CUBN: variants seen among roughly 807,000 people sequenced by gnomAD.
The protein encoded by CUBN is 460 kDa receptor.
Under a neutral mutation model 405.3 loss-of-function variants are expected in CUBN, and 282 were observed. That is an observed-to-expected ratio of 0.70 (90% CI 0.63 to 0.77). CUBN has a LOEUF of 0.77. Ranked by LOEUF, CUBN falls within the 30% of genes least tolerant of loss-of-function variation. The probability of loss-of-function intolerance (pLI) is 0.00; values close to 1 mark genes in which losing one functional copy is unlikely to be tolerated. For missense variants in CUBN, 4,514 were observed against 4,475.2 expected, an observed-to-expected ratio of 1.01 and a Z score of -0.25; for synonymous variants, 1,684 against 1,617.0, an observed-to-expected ratio of 1.04 and a Z score of -0.99.
At chr10:16,865,900 C>T (rs554066860) in intron 59 of CUBN, among the ~76,000 whole-genome samples, 3 of 152,146 alleles carry the variant, frequency 2.0e-5, no homozygotes, top group Non-Finnish European at 4.4e-5. Context: ...ACACTCACCA[C>T]GAAGGTCCAT....
chr10:16,895,486 T>A (rs1841156661), intron 54 of CUBN, among the ~76,000 whole-genome samples: 1 of 152,054 alleles, frequency 6.6e-6, no homozygotes, highest in Non-Finnish European at 1.5e-5. Flanking sequence ...GAGAGGAGAG[T>A]GTTGAAGTCC....
intron 40 of CUBN, among the ~76,000 whole-genome samples, chr10:16,928,606 T>C (rs1431099955): frequency 6.8e-6 from 1 of 147,156 alleles, no homozygotes; most frequent in African/African-American, 2.5e-5. Flanking sequence ...CTCGGTTTAA[T>C]GCAGCCTCTG....
chr10:17,056,167 G>A (rs1835390355), intron 22 of CUBN, among the ~76,000 whole-genome samples: 1 of 152,042 alleles, frequency 6.6e-6, no homozygotes, highest in Admixed American at 6.6e-5. Flanking sequence ...CAATTCAGTG[G>A]GAGTGGGGGT....
In CUBN at chr10:16,836,263, A is replaced by T; in HGVS notation, c.10152T>A (p.Ser3384=). ...CAATCTGATAGGTGAAACTCATTCT[A>T]GAGTTTCTGTTTACAACTCCAGATT... is the stretch of plus-strand genomic sequence containing the variant. ...IFKSGVVNRN[S]RMSFTYQIAD... is the part of the protein sequence containing the mutation. Residue 3384 remains serine (S), a synonymous_variant, in exon 63 of 67, where the codon TCT becomes TCA. Coordinates refer to ENST00000377833, the MANE Select transcript of CUBN (RefSeq NM_001081.4). The T allele has an allele frequency of 6.2e-7, 1 of 1,613,690 alleles. No homozygotes were observed. The highest frequency in any genetic ancestry group is 2.2e-5 in the East Asian group (1 of 44,888).
At chr10:16,983,614 T>C (rs544028393) in intron 30 of CUBN, among the ~76,000 whole-genome samples, 1 of 152,230 alleles carries the variant, frequency 6.6e-6, no homozygotes, top group Non-Finnish European at 1.5e-5. Context: ...TATGCTAACA[T>C]CTGTTACACT....
chr10:17,028,241 ATT>A (rs2131800317), intron 27 of CUBN, among the ~76,000 whole-genome samples: 1 of 149,314 alleles, frequency 6.7e-6, no homozygotes, highest in East Asian at 2.0e-4. Context: ...TATTATTATT[ATT>A]ATTATTATTA....
In CUBN at chr10:16,918,662, G is replaced by A. The variant is rs777206789; in HGVS notation, c.6960C>T (p.Asn2320=). Residue 2320 remains asparagine (N), a synonymous_variant, in exon 45 of 67, where the codon AAC becomes AAT. Transcript: ENST00000377833. The part of the protein sequence containing the change: ...EVMYLRFRSD[N]SPTHVGFKAK... Reference sequence around the variant, plus strand: ...CCTTGAATCCCACATGTGTGGGGCTGTTGTCAGATCGAAATCTCAAATACA... The same window carrying A: ...CCTTGAATCCCACATGTGTGGGGCTATTGTCAGATCGAAATCTCAAATACA... The A allele has an allele frequency of 6.2e-7, 1 of 1,613,914 alleles. No homozygotes were observed. The highest frequency in any genetic ancestry group is 8.5e-7 in the Non-Finnish European group (1 of 1,179,864).
intron 28 of CUBN, among the ~76,000 whole-genome samples, chr10:17,015,220 T>C (rs925164689): frequency 7.2e-5 from 11 of 152,214 alleles, no homozygotes; most frequent in African/African-American, 2.7e-4. Context: ...TGGTGGGGTC[T>C]TTTAGCCTGA....
intron 31 of CUBN, among the ~76,000 whole-genome samples, chr10:16,969,249 C>T (rs555449289): frequency 1.6e-4 from 21 of 131,094 alleles, no homozygotes; most frequent in African/African-American, 4.5e-4. Context: ...TTCATTTATT[C>T]AGCTATGCAT....
In CUBN at chr10:16,954,453, G is replaced by A. The variant is rs1842996545; in HGVS notation, c.4791C>T (p.Leu1597=). ...AAGGGCCAGACTGAAATCTCAAGAA[G>A]AGGCTGTTTCCTGAGGAGACGATGG... ...ANPIVSSGNS[L]FLRFQSGPSR... is the part of the protein sequence containing the mutation. Residue 1597 remains leucine, a synonymous_variant, in exon 32 of 67, where the codon CTC becomes CTT. Transcript: ENST00000377833. 4 of 1,614,170 alleles carry A rather than the reference G, an allele frequency of 2.5e-6. No homozygotes were observed. Among genetic ancestry groups the A allele is most frequent in the East Asian group, 2.2e-5 (1 of 44,872 alleles).
Position 16,906,376 on chromosome 10 carries a change from C to T in CUBN, c.7739G>A (p.Gly2580Glu). Residue 2580 changes from glycine to glutamate, a missense_variant, in exon 50 of 67, where the codon GGA becomes GAA. By Grantham distance (98) the Gly-to-Glu change is moderately conservative. Transcript: ENST00000377833. ...GTCATAGCCAGGAGAAGTAAAGTTT[C>T]CTTCAGGAGTATTTGGAAGAGACCC... ...CGGSLPNTPE[G>E]NFTSPGYDGV... 1 of 1,613,994 alleles carries T rather than the reference C, an allele frequency of 6.2e-7. No homozygotes were observed. The highest frequency in any genetic ancestry group is 8.5e-7 in the Non-Finnish European group (1 of 1,179,896).
intron 29 of CUBN, among the ~76,000 whole-genome samples, chr10:16,986,543 T>G (rs548562451): frequency 1.3e-5 from 2 of 152,222 alleles, no homozygotes; most frequent in Non-Finnish European, 2.9e-5. Flanking sequence ...GGACAGTAAT[T>G]GCAAAGGAAT....
chr10:17,101,627 G>A (rs573961507), intron 13 of CUBN, among the ~76,000 whole-genome samples: 1 of 152,294 alleles, frequency 6.6e-6, no homozygotes, highest in Admixed American at 6.5e-5. Context: ...AATCCAGGAG[G>A]TGGTTGAGAA....
chr10:16,850,401 A>G (rs541984912), intron 60 of CUBN, among the ~76,000 whole-genome samples: 21 of 152,176 alleles, frequency 1.4e-4, no homozygotes, highest in Non-Finnish European at 2.8e-4. Flanking sequence ...ATATAACCTG[A>G]TAGGTATAAT....
intron 31 of CUBN, among the ~76,000 whole-genome samples, chr10:16,981,628 C>T (rs968589313): frequency 1.3e-5 from 2 of 152,156 alleles, no homozygotes; most frequent in African/African-American, 2.4e-5. Flanking sequence ...CAAGCTTGGA[C>T]GCTGCCGTGG....
intron 17 of CUBN, among the ~76,000 whole-genome samples, chr10:17,076,749 A>G: frequency 6.6e-6 from 1 of 152,214 alleles, no homozygotes; most frequent in East Asian, 1.9e-4. Context: ...GTCACTGCAT[A>G]ATTCAACCAT....
chr10:16,945,524 T>C (rs1254385049), intron 36 of CUBN, among the ~76,000 whole-genome samples: 1 of 151,968 alleles, frequency 6.6e-6, no homozygotes, highest in Non-Finnish European at 1.5e-5. Context: ...TCCCAGCACT[T>C]TGGGAGGCCA....
chr10:16,836,302 T>C lies in CUBN; in HGVS notation c.10113A>G (p.Ala3371=), dbSNP rs1223966538. The C allele has an allele frequency of 1.2e-6, 2 of 1,613,622 alleles. No individual in the cohort carries two copies. The highest frequency in any genetic ancestry group is 4.5e-5 in the East Asian group (2 of 44,886). The change falls in exon 63 of 67, where the codon GCA becomes GCG. Residue 3371 remains alanine (A), a synonymous_variant. Coordinates refer to ENST00000377833, the MANE Select transcript of CUBN (RefSeq NM_001081.4). ...CAACTCCAGATTTGAAAATGACCAT[T>C]GCAGTACTCATAGAAGAATAAAACA... is the stretch of plus-strand genomic sequence containing the variant. ...VPVFYSSMST[A]MVIFKSGVVN...
At chr10:16,965,401 A>T (rs1843360860) in intron 31 of CUBN, among the ~76,000 whole-genome samples, 1 of 152,206 alleles carries the variant, frequency 6.6e-6, no homozygotes, top group Non-Finnish European at 1.5e-5. Flanking sequence ...CACGTGATTG[A>T]CGTGGACGTG....
Sources: allele counts gnomAD v4.1 joint callset (sites outside exome capture counted in the v4.1 genomes callset), GRCh38; gene constraint gnomAD v4.1.1; transcripts MANE v1.5; gene names NCBI Gene and HGNC (gene_info 2026-07-23, HGNC 2026-07-21).